Variants in BTBD16 observed in about 807,000 individuals in gnomAD.
The protein encoded by BTBD16 is BTB domain containing 16.
BTBD16 carries 66 observed loss-of-function variants against 67.4 expected under a neutral mutation model. The observed-to-expected ratio is 0.98, with a 90% CI of 0.80 to 1.20. The LOEUF is 1.20. Among genes scored for constraint, BTBD16 ranks in the 50% most tolerant of loss-of-function variants. The probability of loss-of-function intolerance (pLI) is 0.00; values close to 1 mark genes in which losing one functional copy is unlikely to be tolerated. For synonymous variants in BTBD16, 242 were observed against 236.4 expected (o/e 1.02, Z -0.22); for missense variants, 634 against 616.0 (o/e 1.03, Z -0.31).
chr10:122,337,893 G>C, intron 15 of BTBD16, 124 bp from the exon 16 acceptor site: 1 of 712,658 alleles, frequency 1.4e-6, no homozygotes, highest in Non-Finnish European at 2.4e-6. Context: ...AGGTTATTCT[G>C]ATGTGCAACC....
At chr10:122,327,696 CA>C in intron 10 of BTBD16, 1 of 962,236 alleles carries the variant, frequency 1.0e-6, no homozygotes, top group Non-Finnish European at 1.2e-6. Flanking sequence ...GCTGTCTCAA[CA>C]AAGCTGTTTC....
chr10:122,336,556 G>T lies in BTBD16; in HGVS notation c.1326G>T (p.Leu442=). Residue 442 remains leucine (L), a synonymous_variant, in exon 15 of 16, where the codon CTG becomes CTT. Transcript: ENST00000260723. ...TCTACGAGCACAACCACGTCAGCCT[G>T]CGAGCGGCACGCCTGGTGAAGTATG... ...SAVYEHNHVS[L]RAARLVKYEI... 1 of 1,612,932 alleles carries T rather than the reference G, an allele frequency of 6.2e-7. No homozygotes were observed. The highest frequency in any genetic ancestry group is 8.5e-7 in the Non-Finnish European group (1 of 1,179,646).
chr10:122,334,663 C>T (rs575004944), intron 13 of BTBD16, among the ~76,000 whole-genome samples: 70 of 144,852 alleles, frequency 4.8e-4, no homozygotes, highest in African/African-American at 4.1e-4. Context: ...CGCACCACCA[C>T]GCCTGGCTAA....
chr10:122,324,343 G>C (rs1461439871), intron 10 of BTBD16, among the ~76,000 whole-genome samples: 1 of 152,202 alleles, frequency 6.6e-6, no homozygotes, highest in Non-Finnish European at 1.5e-5. Flanking sequence ...CTTTTAAGGA[G>C]AGCTTCCCTG....
chr10:122,325,188 G>A (rs1221916207), intron 10 of BTBD16, among the ~76,000 whole-genome samples: 1 of 152,204 alleles, frequency 6.6e-6, no homozygotes, highest in Admixed American at 6.5e-5. Flanking sequence ...GGGATGGGAT[G>A]ATGGAAATGA....
At chr10:122,329,043 C>A (rs927426) in intron 10 of BTBD16, among the ~76,000 whole-genome samples, 1 of 151,876 alleles carries the variant, frequency 6.6e-6, no homozygotes, top group African/African-American at 2.4e-5. Context: ...TCAGGAGTCC[C>A]GGGTTCCAGT....
In BTBD16 at chr10:122,329,586, A is replaced by T. The variant is rs1438021467; in HGVS notation, c.1003+15A>T. ...CATCACCAAAGGTAAGCCCCAGTCC[A>T]GGCGAGCGCATCCACGGGAAAGCTG... On this transcript the variant is annotated intron_variant, in intron 11 of 15. Transcript: ENST00000260723. 6.2e-7 allele frequency: 1 copy of T among 1,610,992 alleles called. No individual in the cohort carries two copies. The highest frequency in any genetic ancestry group is 1.7e-5 in the Admixed American group (1 of 59,990).
At chr10:122,318,529 G>A (rs1396122372) in intron 10 of BTBD16, among the ~76,000 whole-genome samples, 1 of 152,116 alleles carries the variant, frequency 6.6e-6, no homozygotes, top group East Asian at 1.9e-4. Context: ...AAAACAGTAG[G>A]TGTATGTTTA....
intron 14 of BTBD16, among the ~76,000 whole-genome samples, chr10:122,335,926 T>C (rs2096462633): frequency 6.6e-6 from 1 of 152,176 alleles, no homozygotes; most frequent in African/African-American, 2.4e-5. Context: ...TGCAGTGCAG[T>C]GGCACAATCT....
intron 9 of BTBD16, among the ~76,000 whole-genome samples, chr10:122,300,040 T>G (rs970432686): frequency 4.6e-5 from 7 of 152,184 alleles, no homozygotes; most frequent in Non-Finnish European, 7.3e-5. Flanking sequence ...CCTTCTCCCT[T>G]ACAGAAATTC....
At chr10:122,294,276 T>C (rs1289206632) in intron 7 of BTBD16, 1 of 931,250 alleles carries the variant, frequency 1.1e-6, no homozygotes, top group Non-Finnish European at 1.3e-6. Context: ...GTCACTCTGA[T>C]AGCATCACAA....
chr10:122,308,267 A>G (rs1367667749), intron 10 of BTBD16, among the ~76,000 whole-genome samples: 1 of 152,200 alleles, frequency 6.6e-6, no homozygotes, highest in African/African-American at 2.4e-5. Flanking sequence ...GCCCCCTGCC[A>G]AAGTTGCTGT....
chr10:122,297,724 A>G, intron 7 of BTBD16, 44 bp from the exon 8 acceptor site: 3 of 1,607,068 alleles, frequency 1.9e-6, no homozygotes, highest in Non-Finnish European at 2.6e-6. Flanking sequence ...CTTCTCCAAA[A>G]GCAGTGTGGG....
In BTBD16 at chr10:122,304,853, A is replaced by G. The variant is rs189425240; in HGVS notation, c.792-2336A>G. Reference sequence around the variant, plus strand: ...CAGGTGTGAGCCACTGCGCCTGGCCAGCAGCTATTCTTTGGCAATGCTCAT... The same window carrying G: ...CAGGTGTGAGCCACTGCGCCTGGCCGGCAGCTATTCTTTGGCAATGCTCAT... On this transcript the variant is annotated intron_variant, in intron 9 of 15. Transcript: ENST00000260723. 2.7e-3 allele frequency among the ~76,000 whole-genome samples: 405 copies of G among 152,230 alleles called. 2 individuals carry two copies. Among genetic ancestry groups the G allele is most frequent in the African/African-American group, 8.9e-3 (370 of 41,546 alleles).
chr10:122,308,678 A>G (rs1243554197), intron 10 of BTBD16, among the ~76,000 whole-genome samples: 2 of 152,048 alleles, frequency 1.3e-5, no homozygotes, highest in East Asian at 3.9e-4. Context: ...AAAAGATGGG[A>G]AAGTGTAGGG....
chr10:122,332,421 G>T lies in BTBD16; in HGVS notation c.1087-15G>T, dbSNP rs2096456627. 1 of 1,613,510 alleles carries T rather than the reference G, an allele frequency of 6.2e-7. No homozygotes were observed. Among genetic ancestry groups the T allele is most frequent in the Admixed American group, 1.7e-5 (1 of 59,976 alleles). Reference sequence around the variant, plus strand: ...AGGATCCCACCGTGGTCAGCTGTGTGCATTTTCCTTTCAGCTGGAGAATGG... The same window carrying T: ...AGGATCCCACCGTGGTCAGCTGTGTTCATTTTCCTTTCAGCTGGAGAATGG... On this transcript the variant is annotated splice_polypyrimidine_tract_variant and intron_variant, in intron 12 of 15. Transcript: ENST00000260723.
At chr10:122,319,362 TCA>T (rs1175975300) in intron 10 of BTBD16, among the ~76,000 whole-genome samples, 1 of 152,210 alleles carries the variant, frequency 6.6e-6, no homozygotes, top group Non-Finnish European at 1.5e-5. Context: ...GTTTTAGCTC[TCA>T]CATTTATATT....
chr10:122,299,000 T>A lies in BTBD16; in HGVS notation c.661-4T>A. 6.2e-7 allele frequency: 1 copy of A among 1,613,394 alleles called. No individual in the cohort carries two copies. The highest frequency in any genetic ancestry group is 8.5e-7 in the Non-Finnish European group (1 of 1,179,910). ...CTTCATCAACTGGCTTTTTTTTGTC[T>A]TAGTACAAGGAAGAGCAGCTCACCA... On this transcript the variant is annotated splice_polypyrimidine_tract_variant and splice_region_variant and intron_variant, in intron 8 of 15. Transcript: ENST00000260723.
At chr10:122,311,121 AT>A (rs1326203896) in intron 10 of BTBD16, among the ~76,000 whole-genome samples, 10 of 151,734 alleles carry the variant, frequency 6.6e-5, no homozygotes, top group East Asian at 3.9e-4. Flanking sequence ...TTGTTCATTA[AT>A]TTTTTTTTCA....
Sources: gnomAD v4.1 joint callset for allele counts (sites outside exome capture counted in the v4.1 genomes callset) on GRCh38, gnomAD v4.1.1 for gene constraint, MANE v1.5 for transcripts, NCBI Gene and HGNC (gene_info 2026-07-23, HGNC 2026-07-21) for gene names.